Variants in UHRF1 observed in about 807,000 individuals in gnomAD.
The protein encoded by UHRF1 is E3 ubiquitin-protein ligase UHRF1.
Under a neutral mutation model 96.5 loss-of-function variants are expected in UHRF1, and 9 were observed. The ratio of observed to expected loss-of-function variants is 0.09; its 90% CI spans 0.06 to 0.16. The LOEUF (loss-of-function observed/expected upper bound fraction) is 0.16. Ranked by LOEUF, UHRF1 falls within the 10% of genes least tolerant of loss-of-function variation. The pLI is 1.00. For synonymous variants in UHRF1, 455 were observed against 469.9 expected (o/e 0.97, Z 0.41); for missense variants, 626 against 1,131.1 (o/e 0.55, Z 6.40).
intron 13 of UHRF1, among the ~76,000 whole-genome samples, chr19:4,952,794 C>T (rs901818514): frequency 3.3e-5 from 5 of 151,798 alleles, no homozygotes; most frequent in South Asian, 2.1e-4. Context: ...TAGGTACCTT[C>T]GAAATGGAGC....
At chr19:4,911,320 T>C (rs1463748977) in intron 2 of UHRF1, among the ~76,000 whole-genome samples, 3 of 152,084 alleles carry the variant, frequency 2.0e-5, no homozygotes, top group African/African-American at 7.2e-5. Context: ...CTCAAAATAA[T>C]GGCTAGAGAA....
chr19:4,913,252 CTTTT>C (rs4022195), intron 2 of UHRF1, among the ~76,000 whole-genome samples: 1 of 111,200 alleles, frequency 9.0e-6, no homozygotes, highest in Non-Finnish European at 1.7e-5. Context: ...GTACATTGTG[CTTTT>C]TTTTTTTTTT....
intron 2 of UHRF1, among the ~76,000 whole-genome samples, chr19:4,925,787 G>T (rs1386997242): frequency 6.6e-6 from 1 of 152,208 alleles, no homozygotes; most frequent in East Asian, 1.9e-4. Flanking sequence ...CTCCCAAAGT[G>T]CTGGGATGAC....
intron 1 of UHRF1, 52 bp downstream of exon 1, chr19:4,909,707 T>C: frequency 4.0e-6 from 2 of 502,098 alleles, no homozygotes; most frequent in East Asian, 3.6e-5. Flanking sequence ...CGCACGGGGC[T>C]CGGGAACTTT....
At chr19:4,914,739 C>T (rs1207045080) in intron 2 of UHRF1, among the ~76,000 whole-genome samples, 1 of 151,822 alleles carries the variant, frequency 6.6e-6, no homozygotes, top group Non-Finnish European at 1.5e-5. Context: ...CAACGCTCTG[C>T]ACTGTACATA....
At chr19:4,952,092 T>G (rs1264339262) in intron 13 of UHRF1, among the ~76,000 whole-genome samples, 1 of 152,066 alleles carries the variant, frequency 6.6e-6, no homozygotes, top group Non-Finnish European at 1.5e-5. Flanking sequence ...GAGTAGGATT[T>G]TTTTTGTTTG....
At chr19:4,914,597 T>C (rs993817449) in intron 2 of UHRF1, among the ~76,000 whole-genome samples, 2 of 151,468 alleles carry the variant, frequency 1.3e-5, no homozygotes, top group African/African-American at 4.9e-5. Flanking sequence ...GGCAGTGACT[T>C]TGGGCAGACG....
chr19:4,945,720 T>G, intron 9 of UHRF1, 141 bp from the exon 10 acceptor site: 12 of 601,678 alleles, frequency 2.0e-5, no homozygotes, highest in East Asian at 3.3e-5. Context: ...GCAGCACACG[T>G]AGTAGGTGAC....
At chr19:4,911,578 T>C (rs1239253391) in intron 2 of UHRF1, among the ~76,000 whole-genome samples, 3 of 152,208 alleles carry the variant, frequency 2.0e-5, no homozygotes, top group Admixed American at 6.6e-5. Context: ...CCTGCTGTGC[T>C]GCGGCTGCTG....
At position 4,954,208 on chromosome 19, in the gene UHRF1, G is replaced by T. The variant is rs549003127; in HGVS notation, c.1819-142G>T. 3.1e-4 allele frequency: 388 copies of T among 1,240,798 alleles called. No individual in the cohort carries two copies. The highest frequency in any genetic ancestry group is 4.2e-4 in the Non-Finnish European group (382 of 906,792). The allele number at this position is 1,240,798 out of a possible 1,614,324, so 76.9% of individuals were successfully genotyped here. A position where few individuals can be genotyped will look rare whatever the true frequency, so the allele number is the denominator to read the frequency against. On this transcript the variant is annotated intron_variant, in intron 13 of 16. Transcript: ENST00000650932. This position sits in a 1 kb window ranked among gnomAD's most constrained non-coding sequence, Gnocchi z 5.9. ...GAAACCTCAGCAAAACTAGATAAGG[G>T]AGGACTACCCTGTGCTCTTCAGGGG...
At chr19:4,948,395 T>C (rs1033402424) in intron 11 of UHRF1, among the ~76,000 whole-genome samples, 1 of 152,138 alleles carries the variant, frequency 6.6e-6, no homozygotes, top group Non-Finnish European at 1.5e-5. Context: ...ATAAATATAT[T>C]ACATAAATAA....
At chr19:4,945,552 C>A (rs978222560) in intron 9 of UHRF1, among the ~76,000 whole-genome samples, 1 of 152,126 alleles carries the variant, frequency 6.6e-6, no homozygotes, top group African/African-American at 2.4e-5. Context: ...AGCCACCGTG[C>A]CTGGCCGTCA....
intron 13 of UHRF1, among the ~76,000 whole-genome samples, chr19:4,952,416 G>A (rs1437132582): frequency 9.5e-6 from 1 of 105,362 alleles, no homozygotes. Context: ...TTTTTTTGGA[G>A]ACAGAGTCTC....
At position 4,917,391 on chromosome 19, in the gene UHRF1, T is replaced by C. The variant is rs113265197; in HGVS notation, c.153+6353T>C. 8.7e-3 allele frequency among the ~76,000 whole-genome samples: 1,322 copies of C among 151,734 alleles called. 20 individuals are homozygous for C. Among genetic ancestry groups the C allele is most frequent in the African/African-American group, 0.03 (1,250 of 41,468 alleles). Reference sequence around the variant, plus strand: ...GTCCACAAGGCCGGGCGTGGTGGCTTACGCCTGTAATCCCAGCACTTTGGG... The same window carrying C: ...GTCCACAAGGCCGGGCGTGGTGGCTCACGCCTGTAATCCCAGCACTTTGGG... On this transcript the variant is annotated intron_variant, in intron 2 of 16. Transcript: ENST00000650932.
intron 13 of UHRF1, among the ~76,000 whole-genome samples, 180 bp downstream of exon 13, chr19:4,951,176 G>A (rs931393188): frequency 3.9e-5 from 6 of 152,210 alleles, no homozygotes; most frequent in African/African-American, 7.2e-5. Flanking sequence ...TGAGGCAGGA[G>A]AATTGCTTGA....
At chr19:4,906,819 A>G (rs1262386821), upstream of UHRF1, among the ~76,000 whole-genome samples, 1 of 152,214 alleles carries the variant, frequency 6.6e-6, no homozygotes, top group Non-Finnish European at 1.5e-5. Context: ...AGTTTTCGCA[A>G]CAGCGCTACA....
intron 2 of UHRF1, among the ~76,000 whole-genome samples, chr19:4,916,369 C>A (rs1440976121): frequency 1.3e-5 from 2 of 152,050 alleles, no homozygotes; most frequent in East Asian, 3.9e-4. Flanking sequence ...GACAAGCGCG[C>A]CCCCTCTTTT....
chr19:4,921,108 G>T (rs2032686620), intron 2 of UHRF1, among the ~76,000 whole-genome samples: 1 of 150,888 alleles, frequency 6.6e-6, no homozygotes, highest in African/African-American at 2.4e-5. Context: ...TGGTGACAGA[G>T]GGAGACTCCG....
chr19:4,941,279 C>T (rs2602737), intron 5 of UHRF1, among the ~76,000 whole-genome samples: 33,319 of 151,188 alleles, frequency 0.22, 4,412 homozygotes, highest in East Asian at 0.58. Context: ...TCAGTGGAGG[C>T]GGGGGTTCAC....
Sources: gnomAD v4.1 joint callset for allele counts (sites outside exome capture counted in the v4.1 genomes callset) on GRCh38, gnomAD v4.1.1 for gene constraint, Gnocchi (gnomAD v3.1) non-coding constraint, MANE v1.5 for transcripts, NCBI Gene and HGNC (gene_info 2026-07-23, HGNC 2026-07-21) for gene names.